Variants in SUMF1 observed in about 807,000 individuals in gnomAD.
The protein encoded by SUMF1 is sulfatase modifying factor 1.
SUMF1 carries 48 observed loss-of-function variants against 47.6 expected under a neutral mutation model. The ratio of observed to expected loss-of-function variants is 1.01; its 90% CI spans 0.80 to 1.28. The LOEUF (loss-of-function observed/expected upper bound fraction) is 1.28, where lower values mean the gene tolerates loss of function less well. Ranked by LOEUF, SUMF1 falls within the 50% of genes most tolerant of loss-of-function variation. SUMF1 has a pLI of 0.00. For missense variants in SUMF1, 571 were observed against 485.4 expected (o/e 1.18, Z -1.66); for synonymous variants, 230 against 192.1 (o/e 1.20, Z -1.63).
intron 9 of SUMF1, among the ~76,000 whole-genome samples, chr3:4,053,753 C>T (rs192297907): frequency 1.6e-4 from 24 of 152,166 alleles, no homozygotes; most frequent in African/African-American, 5.5e-4. Flanking sequence ...GAGTAGAGAA[C>T]AAACAATTCC....
intron 9 of SUMF1, among the ~76,000 whole-genome samples, chr3:4,055,085 T>C (rs145070615): frequency 6.6e-6 from 1 of 152,164 alleles, no homozygotes; most frequent in Non-Finnish European, 1.5e-5. Flanking sequence ...AAACAGATAC[T>C]GTAGTGGAGT....
At chr3:4,349,203 A>T (rs1220732214) in intron 8 of SUMF1, among the ~76,000 whole-genome samples, 4 of 152,238 alleles carry the variant, frequency 2.6e-5, no homozygotes, top group African/African-American at 9.6e-5. Context: ...ATATGAACAA[A>T]CACTTCTCAA....
intron 8 of SUMF1, among the ~76,000 whole-genome samples, chr3:4,306,886 A>G (rs569864236): frequency 1.3e-5 from 2 of 152,370 alleles, no homozygotes; most frequent in African/African-American, 4.8e-5. Context: ...TCATAATGTC[A>G]TCAGTGTTGA....
chr3:4,145,191 TAAA>T lies in SUMF1; in HGVS notation c.1015-76449_1015-76447del, dbSNP rs35699553. Among the ~76,000 whole-genome samples the T allele has an allele frequency of 9.0e-3, 817 of 90,484 alleles. 9 individuals carry two copies. The highest frequency in any genetic ancestry group is 0.032 in the African/African-American group (772 of 24,026). The allele number at this position is 90,484 out of a possible 152,430, so 59.4% of individuals were successfully genotyped here. Reference sequence around the variant, plus strand: ...CTGGGCAACAGAGTGAAACTCCGTCTAAAAAAAAAAAAAAAAAAAAAAGCCATC... The same window carrying T: ...CTGGGCAACAGAGTGAAACTCCGTCTAAAAAAAAAAAAAAAAAAAGCCATC... On this transcript the variant is annotated intron_variant and NMD_transcript_variant, in intron 8 of 12. Transcript: ENST00000448413.
chr3:4,155,728 G>C (rs775965738), intron 8 of SUMF1, among the ~76,000 whole-genome samples: 15 of 151,352 alleles, frequency 9.9e-5, no homozygotes, highest in Non-Finnish European at 1.9e-4. Flanking sequence ...ATCAGCCTCT[G>C]TTGATTACAG....
chr3:4,078,973 T>A (rs953163135), intron 8 of SUMF1, among the ~76,000 whole-genome samples: 2 of 152,094 alleles, frequency 1.3e-5, no homozygotes, highest in African/African-American at 2.4e-5. Flanking sequence ...GACTTGGCAA[T>A]GTTTTGCTAA....
At chr3:4,058,752 A>C (rs969628282) in intron 9 of SUMF1, among the ~76,000 whole-genome samples, 1 of 152,326 alleles carries the variant, frequency 6.6e-6, no homozygotes, top group South Asian at 2.1e-4. Context: ...ACATTCTGGG[A>C]GAAGAAAAGT....
In SUMF1 at chr3:4,420,021, TG is replaced by T. The variant is rs771271731; in HGVS notation, c.602+42del. ...TTGCAAGAGCAAAGGGTACCTATTT[TG>T]CAATGGAACTTGTCAACTGGGGAAA... On this transcript the variant is annotated intron_variant, in intron 4 of 8. Transcript: ENST00000272902. 8.4e-6 allele frequency: 13 copies of T among 1,550,534 alleles called. No individual in the cohort carries two copies. In the Admixed American group the frequency reaches 1.3e-4, roughly 16 times the overall value.
At chr3:4,070,731 G>A (rs542738658) in intron 8 of SUMF1, among the ~76,000 whole-genome samples, 56 of 152,106 alleles carry the variant, frequency 3.7e-4, no homozygotes, top group Admixed American at 1.2e-3. Context: ...CACCTCCTGG[G>A]TTCAGGCCAT....
At chr3:4,190,893 G>A (rs973051816) in intron 8 of SUMF1, among the ~76,000 whole-genome samples, 7 of 152,126 alleles carry the variant, frequency 4.6e-5, no homozygotes, top group Non-Finnish European at 1.0e-4. Context: ...TAATCGGGGT[G>A]CTAGGAAATA....
chr3:4,313,152 A>C lies in SUMF1; in HGVS notation c.1014+63178T>G, dbSNP rs375804787. The C allele has an allele frequency of 6.8e-6, 11 of 1,613,972 alleles. No homozygotes were observed. The African/African-American group carries it at 1.3e-4, about 20-fold the overall frequency. On this transcript the variant is annotated intron_variant and NMD_transcript_variant, in intron 8 of 12. Coordinates refer to the SUMF1 transcript ENST00000448413. ...GAAACAGAGTGGTCCAGAAAGGTCT[A>C]CAGTTCCACTTCCAAGTGTTCAAGA...
intron 8 of SUMF1, among the ~76,000 whole-genome samples, chr3:4,115,828 A>G (rs1339339225): frequency 6.6e-6 from 1 of 152,134 alleles, no homozygotes; most frequent in Admixed American, 6.5e-5. Context: ...ATATTTAAAA[A>G]AACATAAAAA....
Position 4,131,279 on chromosome 3 carries a change from T to G in SUMF1, c.1015-62534A>C, listed in dbSNP as rs1169343261. Among the ~76,000 whole-genome samples the G allele has an allele frequency of 5.3e-5, 8 of 152,266 alleles. 1 individual carries two copies. The highest frequency in any genetic ancestry group is 1.7e-4 in the African/African-American group (7 of 41,554). On this transcript the variant is annotated intron_variant and NMD_transcript_variant, in intron 8 of 12. Transcript: ENST00000448413. The stretch of plus-strand genomic sequence containing the variant: ...GTCATGAAGGCACAAGTAAGTTACA[T>G]AAGGAATTGGCTCAAATGCCCATGG...
intron 8 of SUMF1, among the ~76,000 whole-genome samples, chr3:4,209,164 T>G (rs1364306482): frequency 2.6e-5 from 4 of 152,162 alleles, no homozygotes. Flanking sequence ...CAATAAAATT[T>G]TATTGGGTAC....
exon 9 of SUMF1, chr3:4,068,646 A>G: frequency 2.2e-6 from 1 of 450,836 alleles, no homozygotes; most frequent in Non-Finnish European, 4.4e-6. Context: ...ATTGAGCAGC[A>G]TGGTTCTAGA....
At chr3:4,250,529 GTA>G (rs1343670654) in intron 8 of SUMF1, among the ~76,000 whole-genome samples, 1 of 152,134 alleles carries the variant, frequency 6.6e-6, no homozygotes, top group Non-Finnish European at 1.5e-5. Context: ...GATTTTCAAT[GTA>G]GATGAAACAG....
chr3:4,445,423 G>A (rs930989258), intron 3 of SUMF1, among the ~76,000 whole-genome samples: 3 of 152,072 alleles, frequency 2.0e-5, no homozygotes, highest in Admixed American at 6.5e-5. Context: ...CTGAAACCTC[G>A]AACTCCTGGG....
chr3:4,155,815 C>T (rs1210416542), intron 8 of SUMF1, among the ~76,000 whole-genome samples: 1 of 151,164 alleles, frequency 6.6e-6, no homozygotes, highest in Non-Finnish European at 1.5e-5. Context: ...AGGGGAAATG[C>T]CCTAACATCA....
intron 6 of SUMF1, among the ~76,000 whole-genome samples, chr3:4,415,134 G>C (rs1473431916): frequency 1.3e-5 from 2 of 150,734 alleles, no homozygotes; most frequent in Non-Finnish European, 2.9e-5. Flanking sequence ...GGCTGAGGCA[G>C]GAGAATCACT....
Sources: gnomAD v4.1 joint callset for allele counts (sites outside exome capture counted in the v4.1 genomes callset) on GRCh38, gnomAD v4.1.1 for gene constraint, MANE v1.5 for transcripts, NCBI Gene and HGNC (gene_info 2026-07-23, HGNC 2026-07-21) for gene names.